The following LIN28B variants were observed in gnomAD, a reference collection of about 807,000 sequenced individuals.
LIN28B encodes the protein protein lin-28 homolog B.
A neutral mutation model predicts 21.9 loss-of-function variants in LIN28B; 5 were observed. The observed-to-expected ratio is 0.23, with a 90% CI of 0.12 to 0.48. The LOEUF (loss-of-function observed/expected upper bound fraction) is 0.48. Among genes scored for constraint, LIN28B ranks in the 20% least tolerant of loss-of-function variants. LIN28B has a pLI of 0.98. For synonymous variants in LIN28B, 109 were observed against 111.3 expected, an observed-to-expected ratio of 0.98 and a Z score of 0.13; for missense variants, 245 against 310.5, an observed-to-expected ratio of 0.79 and a Z score of 1.58.
In LIN28B at chr6:105,081,460, C is replaced by T. The variant is rs1346952659; in HGVS notation, c.*2677C>T. On this transcript the variant is annotated 3_prime_UTR_variant, in exon 4 of 4. Coordinates refer to ENST00000345080, the MANE Select transcript of LIN28B (RefSeq NM_001004317.4). ...GCTACCTCATAGTTGATACATAGCA[C>T]ACCTGTATGTATGCTGTTCCAGCCT... The T allele has an allele frequency of 6.6e-6, 1 of 152,634 alleles. No individual in the cohort carries two copies. Among genetic ancestry groups the T allele is most frequent in the African/African-American group, 2.4e-5 (1 of 41,450 alleles). The allele number at this position is 152,634 out of a possible 1,614,324, so 9.5% of individuals were successfully genotyped here.
intron 2 of LIN28B, among the ~76,000 whole-genome samples, chr6:104,942,495 A>C (rs2114541810): frequency 6.6e-6 from 1 of 152,208 alleles, no homozygotes; most frequent in Admixed American, 6.5e-5. Flanking sequence ...AATTTGTATG[A>C]AAAAATAAAT....
upstream of LIN28B, among the ~76,000 whole-genome samples, chr6:104,955,268 G>T (rs913554418): frequency 3.9e-5 from 6 of 152,044 alleles, no homozygotes; most frequent in African/African-American, 1.4e-4. Flanking sequence ...TTTTTTCAGA[G>T]CTTTGAGCTT....
chr6:105,069,077 G>A (rs1293136045), intron 3 of LIN28B, among the ~76,000 whole-genome samples: 1 of 152,068 alleles, frequency 6.6e-6, no homozygotes, highest in Non-Finnish European at 1.5e-5. Flanking sequence ...AATTAGCTGG[G>A]TGTGGTGGTG....
chr6:104,988,302 C>A (rs1395976768), intron 2 of LIN28B, among the ~76,000 whole-genome samples: 1 of 152,006 alleles, frequency 6.6e-6, no homozygotes, highest in East Asian at 1.9e-4. Context: ...TGGAGATGAC[C>A]TTACGGTACT....
At chr6:105,032,164 A>AT (rs1239767110) in intron 3 of LIN28B, among the ~76,000 whole-genome samples, 3 of 152,146 alleles carry the variant, frequency 2.0e-5, no homozygotes, top group Non-Finnish European at 2.9e-5. Context: ...CTGTTTACTT[A>AT]TTAATCTATT....
intron 2 of LIN28B, among the ~76,000 whole-genome samples, chr6:104,961,651 C>T (rs539686561): frequency 6.6e-6 from 1 of 152,240 alleles, no homozygotes; most frequent in Non-Finnish European, 1.5e-5. Context: ...CTGCCTGCCT[C>T]CCCCTCCCAA....
chr6:105,034,925 A>G (rs902723819), intron 3 of LIN28B, among the ~76,000 whole-genome samples: 1 of 151,988 alleles, frequency 6.6e-6, no homozygotes, highest in Non-Finnish European at 1.5e-5. Flanking sequence ...ACAGAAAAAT[A>G]TTTATTTATT....
chr6:104,980,912 T>C (rs1310967817), intron 2 of LIN28B, among the ~76,000 whole-genome samples: 1 of 152,162 alleles, frequency 6.6e-6, no homozygotes, highest in Non-Finnish European at 1.5e-5. Flanking sequence ...ATATGCCAAA[T>C]GCTGTCATAT....
intron 3 of LIN28B, among the ~76,000 whole-genome samples, chr6:105,032,452 TG>T (rs1212609787): frequency 1.3e-5 from 2 of 152,190 alleles, no homozygotes; most frequent in Non-Finnish European, 2.9e-5. Flanking sequence ...TGGCCCCGTG[TG>T]GTGGCTCACA....
At chr6:104,989,695 G>C (rs314284) in intron 2 of LIN28B, among the ~76,000 whole-genome samples, 72,365 of 148,056 alleles carry the variant, frequency 0.49, 19,298 homozygotes, top group East Asian at 0.71. Context: ...GCAGTCTCAA[G>C]CAATTCTCAT....
intron 1 of LIN28B, 81 bp from the exon 2 acceptor site, chr6:104,958,018 G>T (rs1428788680): frequency 4.8e-6 from 5 of 1,048,842 alleles, no homozygotes; most frequent in African/African-American, 1.6e-5. Context: ...CCAACCCCAG[G>T]CAGGCAATTT....
intron 2 of LIN28B, among the ~76,000 whole-genome samples, chr6:104,977,479 T>A (rs1360957959): frequency 6.6e-6 from 1 of 152,224 alleles, no homozygotes; most frequent in Non-Finnish European, 1.5e-5. Context: ...TTTGTTTCCT[T>A]TTTTCTCCTA....
chr6:105,074,292 G>T (rs955396884), intron 3 of LIN28B, among the ~76,000 whole-genome samples: 1 of 152,042 alleles, frequency 6.6e-6, no homozygotes, highest in Non-Finnish European at 1.5e-5. Context: ...CCGCCTCCTG[G>T]GTTCACGCCA....
intron 2 of LIN28B, among the ~76,000 whole-genome samples, chr6:104,968,622 T>C (rs187465663): frequency 5.3e-4 from 81 of 152,308 alleles, no homozygotes; most frequent in African/African-American, 1.7e-3. Flanking sequence ...TTTATGGTGT[T>C]ATAGGATATA....
At chr6:104,950,516 CTT>C (rs74879333) in intron 3 of LIN28B, 3,059 of 1,010,802 alleles carry the variant, frequency 3.0e-3, no homozygotes, top group South Asian at 3.7e-3. Flanking sequence ...CCAGGTTAGT[CTT>C]TTTTTTTTTT....
chr6:104,939,878 G>C (rs1271729320), intron 2 of LIN28B, among the ~76,000 whole-genome samples: 2 of 152,176 alleles, frequency 1.3e-5, no homozygotes, highest in South Asian at 2.1e-4. Context: ...AAAGTCTGAT[G>C]AGAAACTACC....
intron 3 of LIN28B, among the ~76,000 whole-genome samples, chr6:105,049,945 C>G (rs2114382553): frequency 6.6e-6 from 1 of 152,026 alleles, no homozygotes; most frequent in African/African-American, 2.4e-5. Flanking sequence ...TGGGTCTTGA[C>G]TTTTTATCCA....
At chr6:104,994,856 C>G (rs1043315926) in intron 2 of LIN28B, among the ~76,000 whole-genome samples, 1 of 152,052 alleles carries the variant, frequency 6.6e-6, no homozygotes, top group African/African-American at 2.4e-5. Flanking sequence ...ACACGGGGAG[C>G]CTTTGAAGGA....
rs1772495446 is a variant in LIN28B at position 105,079,352 on chromosome 6, C to G, written c.*569C>G. 1 of 152,544 alleles carries G rather than the reference C, an allele frequency of 6.6e-6. No homozygotes were observed. The highest frequency in any genetic ancestry group is 6.6e-5 in the Admixed American group (1 of 15,262). The allele number at this position is 152,544 out of a possible 1,614,324, so 9.4% of individuals were successfully genotyped here. A position where few individuals can be genotyped will look rare whatever the true frequency, so the allele number is the denominator to read the frequency against. The stretch of plus-strand genomic sequence containing the variant: ...AAGGTTTTTAAGACATCCAGTTCTC[C>G]CGAATTTGGGATTGCCTCTTTTTCT... On this transcript the variant is annotated 3_prime_UTR_variant, in exon 4 of 4. Coordinates refer to ENST00000345080, the MANE Select transcript of LIN28B (RefSeq NM_001004317.4).
Sources: allele counts gnomAD v4.1 joint callset (sites outside exome capture counted in the v4.1 genomes callset), GRCh38; gene constraint gnomAD v4.1.1; transcripts MANE v1.5; gene names NCBI Gene and HGNC (gene_info 2026-07-23, HGNC 2026-07-21).